The following ACYP2 variants were observed in gnomAD, a reference collection of about 807,000 sequenced individuals.
The protein encoded by ACYP2 is acylphosphatase 2.
A neutral mutation model predicts 11.2 loss-of-function variants in ACYP2; 12 were observed. That is an observed-to-expected ratio of 1.08 (90% CI 0.69 to 1.74). The LOEUF is 1.74. Among genes scored for constraint, ACYP2 ranks in the 40% most tolerant of loss-of-function variants. The probability of loss-of-function intolerance (pLI) is 0.00; values close to 1 mark genes in which losing one functional copy is unlikely to be tolerated. For synonymous variants in ACYP2, 43 were observed against 32.2 expected (o/e 1.33, Z -1.13); for missense variants, 134 against 101.9 (o/e 1.31, Z -1.35).
At chr2:54,220,860 A>G (rs1320729054) in intron 6 of ACYP2, among the ~76,000 whole-genome samples, 2 of 152,216 alleles carry the variant, frequency 1.3e-5, no homozygotes, top group Non-Finnish European at 2.9e-5. Flanking sequence ...ATTTGACTCT[A>G]TGTAAAAATG....
At chr2:53,971,614 C>T (rs1245641268) in intron 1 of ACYP2, among the ~76,000 whole-genome samples, 1 of 152,154 alleles carries the variant, frequency 6.6e-6, no homozygotes, top group Non-Finnish European at 1.5e-5. Context: ...TTTCCGCCCT[C>T]CCAAGGACTT....
At chr2:54,196,524 A>G (rs190459656) in intron 6 of ACYP2, among the ~76,000 whole-genome samples, 24 of 152,138 alleles carry the variant, frequency 1.6e-4, no homozygotes, top group Admixed American at 1.2e-3. Flanking sequence ...TTTTTTTAAG[A>G]TTTGGTGAAT....
At position 54,304,645 on chromosome 2, in the gene ACYP2, T is replaced by C. The variant is rs762916177; in HGVS notation, c.405-43T>C. The C allele has an allele frequency of 4.2e-6, 6 of 1,441,192 alleles. No homozygotes were observed. The East Asian group carries it at 1.2e-4, about 28-fold the overall frequency. The allele number at this position is 1,441,192 out of a possible 1,614,324, so 89.3% of individuals were successfully genotyped here. On this transcript the variant is annotated intron_variant, in intron 6 of 6. Coordinates refer to ENST00000607452, the MANE Select transcript of ACYP2 (RefSeq NM_001320586.2). ...GGGCTCATTTTAGCTGATCCATGTA[T>C]ACTTTGTATGCTAATTTTATTTATT...
intron 6 of ACYP2, among the ~76,000 whole-genome samples, chr2:54,241,181 T>C (rs1468246876): frequency 1.3e-5 from 2 of 152,242 alleles, no homozygotes; most frequent in Non-Finnish European, 2.9e-5. Context: ...AAACATTTTT[T>C]AATTAAGTCA....
At chr2:54,045,951 G>A (rs1675498508) in intron 2 of ACYP2, among the ~76,000 whole-genome samples, 1 of 152,098 alleles carries the variant, frequency 6.6e-6, no homozygotes, top group Admixed American at 6.5e-5. Context: ...TGGGTAGATT[G>A]CTTCAGCTCA....
chr2:54,242,780 C>T (rs1409184644), intron 6 of ACYP2, among the ~76,000 whole-genome samples: 1 of 152,150 alleles, frequency 6.6e-6, no homozygotes, highest in Non-Finnish European at 1.5e-5. Flanking sequence ...TAGGTTATAC[C>T]ACATATCCTA....
At chr2:54,079,504 T>C (rs879663988) in intron 4 of ACYP2, among the ~76,000 whole-genome samples, 4 of 152,158 alleles carry the variant, frequency 2.6e-5, no homozygotes, top group Non-Finnish European at 5.9e-5. Context: ...ACAGTACAGA[T>C]GAAAGCTTGG....
intron 2 of ACYP2, among the ~76,000 whole-genome samples, chr2:54,019,994 G>A (rs1673918256): frequency 6.6e-6 from 1 of 151,422 alleles, no homozygotes; most frequent in Admixed American, 6.6e-5. Context: ...CAATGCTGGA[G>A]TACAATGGTG....
intron 4 of ACYP2, among the ~76,000 whole-genome samples, chr2:54,059,194 T>TTTTC (rs922506652): frequency 2.0e-5 from 3 of 152,030 alleles, no homozygotes; most frequent in Non-Finnish European, 4.4e-5. Context: ...ATCTTATCAT[T>TTTTC]TTTCTTTCTT....
intron 6 of ACYP2, among the ~76,000 whole-genome samples, chr2:54,167,915 T>A (rs1169433717): frequency 1.3e-5 from 2 of 152,308 alleles, no homozygotes; most frequent in Non-Finnish European, 2.9e-5. Flanking sequence ...AAGCCAGTTT[T>A]AAAAAATTAC....
chr2:54,026,297 C>T (rs533584997), intron 2 of ACYP2, among the ~76,000 whole-genome samples: 22 of 152,044 alleles, frequency 1.4e-4, no homozygotes, highest in African/African-American at 2.2e-4. Context: ...GATATATAAA[C>T]GGCCAACAAA....
rs867826834 is a variant in ACYP2, at chr2:54,060,573, A to G, written c.277+3213A>G. Reference sequence around the variant, plus strand: ...CTTATAATCTTAGTTATCTATTTCTACTTTTAATAACCTAATTTATTAATT... The same window carrying G: ...CTTATAATCTTAGTTATCTATTTCTGCTTTTAATAACCTAATTTATTAATT... On this transcript the variant is annotated intron_variant, in intron 4 of 6. Transcript: ENST00000607452. Among the ~76,000 whole-genome samples, 6 of 152,120 alleles carry G rather than the reference A, an allele frequency of 3.9e-5. No individual in the cohort carries two copies. In the South Asian group the frequency reaches 8.3e-4, roughly 21 times the overall value.
At chr2:54,158,346 TTTC>T (rs1214729372) in intron 6 of ACYP2, among the ~76,000 whole-genome samples, 1 of 151,856 alleles carries the variant, frequency 6.6e-6, no homozygotes, top group Non-Finnish European at 1.5e-5. Context: ...CCGGCCTGCT[TTTC>T]TTATTTTTTT....
chr2:54,013,277 G>C (rs868154611), intron 2 of ACYP2, among the ~76,000 whole-genome samples: 20 of 134,468 alleles, frequency 1.5e-4, no homozygotes, highest in African/African-American at 6.3e-4. Context: ...GTGTGTGTGT[G>C]TGTGTGTGTG....
chr2:54,023,754 T>C (rs770447503), intron 2 of ACYP2, among the ~76,000 whole-genome samples: 12 of 152,148 alleles, frequency 7.9e-5, no homozygotes, highest in African/African-American at 2.7e-4. Flanking sequence ...CAGGAAGAAA[T>C]AGAAACTCTG....
At chr2:54,174,706 C>T (rs1452145011) in intron 6 of ACYP2, among the ~76,000 whole-genome samples, 1 of 152,054 alleles carries the variant, frequency 6.6e-6, no homozygotes, top group African/African-American at 2.4e-5. Flanking sequence ...TCCATCAATA[C>T]CTAGTTTATT....
intron 4 of ACYP2, among the ~76,000 whole-genome samples, chr2:54,111,706 A>G (rs185184054): frequency 3.3e-5 from 5 of 152,368 alleles, no homozygotes; most frequent in Admixed American, 3.3e-4. Context: ...TTCCTTCCAC[A>G]GGGAATCATT....
At chr2:53,985,109 G>C (rs1213130072) in intron 2 of ACYP2, among the ~76,000 whole-genome samples, 4 of 122,288 alleles carry the variant, frequency 3.3e-5, no homozygotes, top group South Asian at 2.5e-4. Context: ...TCGCTCTGTT[G>C]CCCAGGCTGG....
chr2:54,036,410 A>T (rs771146908), intron 2 of ACYP2, among the ~76,000 whole-genome samples: 1 of 152,190 alleles, frequency 6.6e-6, no homozygotes, highest in African/African-American at 2.4e-5. Flanking sequence ...CCCTTTTGCC[A>T]TGTAAAGTAA....
Sources: gnomAD v4.1 joint callset for allele counts (sites outside exome capture counted in the v4.1 genomes callset) on GRCh38, gnomAD v4.1.1 for gene constraint, MANE v1.5 for transcripts, NCBI Gene and HGNC (gene_info 2026-07-23, HGNC 2026-07-21) for gene names.